TNKS2: variants seen among roughly 807,000 people sequenced by gnomAD.
TNKS2 encodes tankyrase 2.
TNKS2 carries 72 observed loss-of-function variants against 137.6 expected under a neutral mutation model. The ratio of observed to expected loss-of-function variants is 0.52; its 90% confidence interval spans 0.43 to 0.64. TNKS2 has a LOEUF of 0.64. Among genes scored for constraint, TNKS2 ranks in the 30% least tolerant of loss-of-function variants. The probability of loss-of-function intolerance (pLI) is 0.00; values close to 1 mark genes in which losing one functional copy is unlikely to be tolerated. For missense variants in TNKS2, 1,049 were observed against 1,410.2 expected (o/e 0.74, Z 4.10); for synonymous variants, 516 against 512.1 (o/e 1.01, Z -0.10).
intron 3 of TNKS2, among the ~76,000 whole-genome samples, chr10:91,818,710 T>C (rs1423931138): frequency 6.6e-6 from 1 of 152,104 alleles, no homozygotes; most frequent in African/African-American, 2.4e-5. Context: ...TTTTTGTATT[T>C]TTTGTAGAGA....
At chr10:91,859,778 C>A in intron 25 of TNKS2, 130 bp downstream of exon 25, 1 of 636,894 alleles carries the variant, frequency 1.6e-6, no homozygotes, top group South Asian at 2.7e-5. Context: ...TGCTTTTGGC[C>A]CTCTCACCAA....
chr10:91,807,423 G>T, intron 1 of TNKS2: 1 of 1,613,920 alleles, frequency 6.2e-7, no homozygotes, highest in Non-Finnish European at 8.5e-7. Context: ...CTCCTCCCAG[G>T]TCTGGTACTG....
At chr10:91,811,254 T>A (rs954323685) in intron 1 of TNKS2, among the ~76,000 whole-genome samples, 1 of 151,848 alleles carries the variant, frequency 6.6e-6, no homozygotes, top group Non-Finnish European at 1.5e-5. Flanking sequence ...CCTCCATGTC[T>A]GTGTACGTTT....
intron 9 of TNKS2, among the ~76,000 whole-genome samples, chr10:91,829,905 A>G (rs1028989767): frequency 2.0e-5 from 3 of 152,218 alleles, no homozygotes; most frequent in Non-Finnish European, 2.9e-5. Context: ...TTTTAATTTA[A>G]CATATATACA....
At chr10:91,836,714 C>T in intron 12 of TNKS2, 7 of 984,830 alleles carry the variant, frequency 7.1e-6, no homozygotes, top group Non-Finnish European at 7.2e-6. Context: ...ACATATTTTG[C>T]TTATATGTGT....
intron 2 of TNKS2, among the ~76,000 whole-genome samples, chr10:91,815,591 A>G (rs566416403): frequency 8.1e-4 from 122 of 150,840 alleles, no homozygotes; most frequent in Non-Finnish European, 1.2e-3. Context: ...GACTTAGTAC[A>G]AAAAAAAATG....
At chr10:91,835,592 C>CTTTTTTTTTTTTTTTTTTTTTTTTT (rs35247985) in intron 12 of TNKS2, among the ~76,000 whole-genome samples, 3 of 109,428 alleles carry the variant, frequency 2.7e-5, no homozygotes, top group Admixed American at 9.5e-5. Context: ...CCCGGCCTTT[C>CTTTTTTTTTTTTTTTTTTTTTTTTT]TTTTTTTTTT....
chr10:91,825,888 A>C lies in TNKS2; in HGVS notation c.796-1129A>C, dbSNP rs185418365. ...ATGTTGCTGGTGGCTGGCTGCATAA[A>C]GTGCGATAGCCACATTAGAAGACTC... On this transcript the variant is annotated intron_variant, in intron 7 of 26. Coordinates refer to ENST00000371627, the MANE Select transcript of TNKS2 (RefSeq NM_025235.4). 1.4e-3 allele frequency among the ~76,000 whole-genome samples: 207 copies of C among 152,384 alleles called. 1 individual carries two copies. Among genetic ancestry groups the C allele is most frequent in the African/African-American group, 4.8e-3 (201 of 41,598 alleles).
rs762747729 is a variant in TNKS2 at position 91,833,839 on chromosome 10, TC to T, written c.1276-13del. On this transcript the variant is annotated splice_polypyrimidine_tract_variant and intron_variant, in intron 11 of 26. Coordinates refer to ENST00000371627, the MANE Select transcript of TNKS2 (RefSeq NM_025235.4). ...GCATTGCGGGCTAATTTCAATTTTT[TC>T]TGCTTTGTTAAGGTTAATGCTCTGG... The T allele has an allele frequency of 3.2e-6, 5 of 1,554,290 alleles. No homozygotes were observed. The highest frequency in any genetic ancestry group is 4.3e-6 in the Non-Finnish European group (5 of 1,152,582).
chr10:91,862,310 G>A (rs374581774), intron 26 of TNKS2, among the ~76,000 whole-genome samples, 155 bp downstream of exon 26: 1 of 152,176 alleles, frequency 6.6e-6, no homozygotes, highest in Non-Finnish European at 1.5e-5. Flanking sequence ...TACAAAAATA[G>A]TAAAGAGAAT....
Position 91,815,246 on chromosome 10 carries a change from T to C in TNKS2, c.425-1888T>C, listed in dbSNP as rs530701351. On this transcript the variant is annotated intron_variant, in intron 2 of 26. Transcript: ENST00000371627. The stretch of plus-strand genomic sequence containing the variant: ...TATGCTAGACTTAAGTTGGACCTCA[T>C]GGTCCCCAGCATCCCAAATCACTAT... 9.8e-5 allele frequency among the ~76,000 whole-genome samples: 15 copies of C among 152,294 alleles called. No individual in the cohort carries two copies. In the East Asian group the frequency reaches 2.9e-3, roughly 29 times the overall value.
At chr10:91,862,879 C>A in intron 26 of TNKS2, 58 bp from the exon 27 acceptor site, 1 of 1,247,896 alleles carries the variant, frequency 8.0e-7, no homozygotes, top group South Asian at 1.3e-5. Flanking sequence ...TCCGGAAAGT[C>A]TGTTTATCTT....
At chr10:91,819,088 C>G (rs1844801642) in intron 3 of TNKS2, among the ~76,000 whole-genome samples, 182 bp from the exon 4 acceptor site, 1 of 151,824 alleles carries the variant, frequency 6.6e-6, no homozygotes, top group Non-Finnish European at 1.5e-5. Context: ...AAAGGTATTT[C>G]ATGTTTGCTC....
chr10:91,815,864 A>G (rs1844675850), intron 2 of TNKS2, among the ~76,000 whole-genome samples: 1 of 152,002 alleles, frequency 6.6e-6, no homozygotes, highest in African/African-American at 2.4e-5. Flanking sequence ...GTCTTCCTCC[A>G]GCTCCTTATT....
At chr10:91,843,641 A>C (rs73327819) in intron 16 of TNKS2, among the ~76,000 whole-genome samples, 44 of 152,332 alleles carry the variant, frequency 2.9e-4, no homozygotes, top group African/African-American at 1.1e-3. Flanking sequence ...CAGCTGCATT[A>C]CAGATGTTAG....
chr10:91,819,548 T>C lies in TNKS2; in HGVS notation c.624T>C (p.Asp208=), dbSNP rs745675654. 8 of 1,592,304 alleles carry C rather than the reference T, an allele frequency of 5.0e-6. No individual in the cohort carries two copies. The highest frequency in any genetic ancestry group is 2.3e-5 in the East Asian group (1 of 44,250). ...TPLNVNCHAS[D]GRKSTPLHLA... ...TAAATGTCAACTGCCACGCAAGTGA[T>C]GGCAGAAAGGTACTTCCTTTTGCAA... is the stretch of plus-strand genomic sequence containing the variant. The change falls in exon 5 of 27, where the codon GAT becomes GAC. Residue 208 remains aspartate, a synonymous_variant. Coordinates refer to ENST00000371627, the MANE Select transcript of TNKS2 (RefSeq NM_025235.4).
chr10:91,830,179 T>TA (rs1383149729), intron 9 of TNKS2, among the ~76,000 whole-genome samples: 2 of 152,172 alleles, frequency 1.3e-5, no homozygotes, highest in Non-Finnish European at 2.9e-5. Flanking sequence ...TCAGTGCTAT[T>TA]ACCAAACAGA....
At chr10:91,829,030 A>T (rs1845153899) in intron 9 of TNKS2, among the ~76,000 whole-genome samples, 1 of 152,194 alleles carries the variant, frequency 6.6e-6, no homozygotes, top group African/African-American at 2.4e-5. Context: ...AGAAAAAAAG[A>T]AACTTAAAGG....
intron 25 of TNKS2, among the ~76,000 whole-genome samples, chr10:91,861,247 A>G (rs977413334): frequency 4.6e-5 from 7 of 152,272 alleles, no homozygotes; most frequent in Middle Eastern, 3.4e-3. Flanking sequence ...AATGGTGGAG[A>G]AAATTCTGTG....
Sources: allele counts gnomAD v4.1 joint callset (sites outside exome capture counted in the v4.1 genomes callset), GRCh38; gene constraint gnomAD v4.1.1; transcripts MANE v1.5; gene names NCBI Gene and HGNC (gene_info 2026-07-23, HGNC 2026-07-21).